The following NXPH1 variants were observed in gnomAD, a reference collection of about 807,000 sequenced individuals.
NXPH1 encodes neurexophilin-1.
NXPH1 carries 5 observed loss-of-function variants against 23.7 expected under a neutral mutation model. That is an observed-to-expected ratio of 0.21 (90% confidence interval 0.11 to 0.44). The LOEUF is 0.44. Among genes scored for constraint, NXPH1 ranks in the 20% least tolerant of loss-of-function variants. NXPH1 has a pLI of 0.99. For missense variants in NXPH1, 324 were observed against 321.6 expected (o/e 1.01, Z -0.06); for synonymous variants, 144 against 122.2 (o/e 1.18, Z -1.18).
intron 2 of NXPH1, among the ~76,000 whole-genome samples, chr7:8,689,279 G>A (rs1821192109): frequency 6.6e-6 from 1 of 150,840 alleles, no homozygotes; most frequent in Non-Finnish European, 1.5e-5. Context: ...TAAAGTAGGT[G>A]TGCTTTCTAT....
intron 2 of NXPH1, among the ~76,000 whole-genome samples, chr7:8,674,183 AC>A (rs1173713959): frequency 2.1e-5 from 3 of 139,650 alleles, no homozygotes; most frequent in Non-Finnish European, 3.1e-5. Context: ...ACACACACAC[AC>A]ACACACACAC....
intron 2 of NXPH1, among the ~76,000 whole-genome samples, chr7:8,534,246 G>A (rs1817993142): frequency 6.6e-6 from 1 of 152,072 alleles, no homozygotes; most frequent in African/African-American, 2.4e-5. Context: ...ATGAAAAAAT[G>A]AAGTCGGAGA....
chr7:8,619,364 G>A (rs577775937), intron 2 of NXPH1, among the ~76,000 whole-genome samples: 1 of 152,210 alleles, frequency 6.6e-6, no homozygotes, highest in African/African-American at 2.4e-5. Flanking sequence ...GCTGCATCTG[G>A]GATGAAGCTT....
At chr7:8,549,162 A>T (rs1818239680) in intron 2 of NXPH1, among the ~76,000 whole-genome samples, 1 of 151,520 alleles carries the variant, frequency 6.6e-6, no homozygotes, top group African/African-American at 2.4e-5. Flanking sequence ...TGCCTAATGA[A>T]CCAAGAACCC....
At chr7:8,694,846 A>C (rs564824958) in intron 2 of NXPH1, among the ~76,000 whole-genome samples, 25 of 152,382 alleles carry the variant, frequency 1.6e-4, no homozygotes, top group African/African-American at 5.3e-4. Context: ...AAGTTGAAGA[A>C]AATGAGAAGA....
intron 2 of NXPH1, among the ~76,000 whole-genome samples, chr7:8,675,674 A>T (rs1279190267): frequency 6.6e-6 from 1 of 152,148 alleles, no homozygotes; most frequent in Non-Finnish European, 1.5e-5. Context: ...AGATAGAGTG[A>T]TGATGGTTAA....
chr7:8,683,870 G>T (rs1821098016), intron 2 of NXPH1, among the ~76,000 whole-genome samples: 1 of 152,098 alleles, frequency 6.6e-6, no homozygotes, highest in Non-Finnish European at 1.5e-5. Context: ...AATAGACAAT[G>T]CCCAGGAAGC....
chr7:8,703,296 T>G (rs1478407526), intron 2 of NXPH1, among the ~76,000 whole-genome samples: 1 of 152,176 alleles, frequency 6.6e-6, no homozygotes, highest in African/African-American at 2.4e-5. Flanking sequence ...AGCTGCTTTC[T>G]GCAATTATTA....
intron 2 of NXPH1, among the ~76,000 whole-genome samples, chr7:8,657,768 C>T (rs552630396): frequency 2.6e-5 from 4 of 152,370 alleles, no homozygotes; most frequent in African/African-American, 7.2e-5. Flanking sequence ...TGGCTCACTC[C>T]TGTAATCCCA....
At chr7:8,500,764 T>A (rs1176546880) in intron 2 of NXPH1, among the ~76,000 whole-genome samples, 1 of 152,078 alleles carries the variant, frequency 6.6e-6, no homozygotes, top group African/African-American at 2.4e-5. Flanking sequence ...AAATACAGAT[T>A]CAACGTCTTT....
chr7:8,609,810 C>T (rs1819577290), intron 2 of NXPH1, among the ~76,000 whole-genome samples: 1 of 152,062 alleles, frequency 6.6e-6, no homozygotes, highest in Admixed American at 6.6e-5. Context: ...CTGCAGTTCC[C>T]TTATATTTTG....
intron 2 of NXPH1, among the ~76,000 whole-genome samples, chr7:8,546,930 A>G (rs556656255): frequency 1.3e-5 from 2 of 151,434 alleles, no homozygotes; most frequent in African/African-American, 4.8e-5. Context: ...TGGTGCCACA[A>G]GTTGTAGGGA....
intron 2 of NXPH1, among the ~76,000 whole-genome samples, chr7:8,597,066 G>A (rs1194165258): frequency 6.6e-6 from 1 of 152,080 alleles, no homozygotes; most frequent in Non-Finnish European, 1.5e-5. Flanking sequence ...GCAAAGTGGG[G>A]ATGGTCATTC....
intron 2 of NXPH1, among the ~76,000 whole-genome samples, chr7:8,583,773 G>T (rs1314241765): frequency 6.6e-6 from 1 of 152,180 alleles, no homozygotes; most frequent in Non-Finnish European, 1.5e-5. Flanking sequence ...TGAGAGGGCA[G>T]GTAGTCCCCT....
At chr7:8,699,739 A>T (rs1779592286) in intron 2 of NXPH1, among the ~76,000 whole-genome samples, 1 of 152,102 alleles carries the variant, frequency 6.6e-6, no homozygotes, top group Admixed American at 6.6e-5. Context: ...TTTGCATTGG[A>T]AATTGATGTG....
intron 2 of NXPH1, among the ~76,000 whole-genome samples, chr7:8,487,546 T>C (rs991653339): frequency 1.3e-5 from 2 of 152,112 alleles, no homozygotes; most frequent in Non-Finnish European, 2.9e-5. Flanking sequence ...AGACTAATAC[T>C]GTAAATTAAT....
Position 8,606,108 on chromosome 7 carries a change from A to G in NXPH1, c.55-144900A>G, listed in dbSNP as rs571549865. On this transcript the variant is annotated intron_variant, in intron 2 of 2. Transcript: ENST00000405863. ...ATGACCTACAATGATGCTATTAAAC[A>G]TAGTACAACAGACAAGTTGACCTTT... Among the ~76,000 whole-genome samples the G allele has an allele frequency of 2.2e-3, 331 of 152,264 alleles. 1 individual carries two copies. The highest frequency in any genetic ancestry group is 7.5e-3 in the African/African-American group (311 of 41,578).
chr7:8,747,593 T>C (rs1323485235), intron 2 of NXPH1, among the ~76,000 whole-genome samples: 1 of 152,220 alleles, frequency 6.6e-6, no homozygotes, highest in Non-Finnish European at 1.5e-5. Flanking sequence ...TTTATTCTTT[T>C]TGCCACACAA....
intron 2 of NXPH1, among the ~76,000 whole-genome samples, chr7:8,557,270 A>C (rs1031111787): frequency 6.9e-6 from 1 of 144,610 alleles, no homozygotes; most frequent in Non-Finnish European, 1.5e-5. Context: ...TAAATGCTTA[A>C]GTGTTAAAAC....
Sources: gnomAD v4.1 joint callset for allele counts (sites outside exome capture counted in the v4.1 genomes callset) on GRCh38, gnomAD v4.1.1 for gene constraint, MANE v1.5 for transcripts, NCBI Gene and HGNC (gene_info 2026-07-23, HGNC 2026-07-21) for gene names.